The following CNTNAP2 variants were observed in gnomAD, a reference collection of about 807,000 sequenced individuals.
CNTNAP2 encodes contactin associated protein 2, also known as contactin-associated protein-like 2.
A neutral mutation model predicts 155.2 loss-of-function variants in CNTNAP2; 98 were observed. That is an observed-to-expected ratio of 0.63 (90% CI 0.54 to 0.75). The LOEUF (loss-of-function observed/expected upper bound fraction) is 0.75, where lower values mean the gene tolerates loss of function less well. Ranked by LOEUF, CNTNAP2 falls within the 30% of genes least tolerant of loss-of-function variation. CNTNAP2 has a pLI of 0.00. For missense variants in CNTNAP2, 1,727 were observed against 1,688.1 expected (o/e 1.02, Z -0.40); for synonymous variants, 651 against 631.2 (o/e 1.03, Z -0.47).
At chr7:147,331,309 C>A (rs997780813) in intron 9 of CNTNAP2, among the ~76,000 whole-genome samples, 4 of 152,028 alleles carry the variant, frequency 2.6e-5, no homozygotes, top group Admixed American at 6.5e-5. Flanking sequence ...ACTAGTAGAA[C>A]GGTTCTATCA....
intron 9 of CNTNAP2, among the ~76,000 whole-genome samples, chr7:147,371,792 T>G (rs1796341738): frequency 6.6e-6 from 1 of 152,164 alleles, no homozygotes; most frequent in South Asian, 2.1e-4. Flanking sequence ...ATACATGTCC[T>G]ATGTGTATGT....
intron 11 of CNTNAP2, among the ~76,000 whole-genome samples, chr7:147,522,324 A>T (rs1298968953): frequency 6.6e-6 from 1 of 152,232 alleles, no homozygotes; most frequent in Non-Finnish European, 1.5e-5. Context: ...TGCTTAAAGG[A>T]ATATCTAGGT....
rs1805346260 is a variant in CNTNAP2 at position 147,292,949 on chromosome 7, G to A, written c.1349-7192G>A. Among the ~76,000 whole-genome samples the A allele has an allele frequency of 2.0e-5, 3 of 152,168 alleles. No homozygotes were observed. In the South Asian group the frequency reaches 6.2e-4, roughly 31 times the overall value. On this transcript the variant is annotated intron_variant, in intron 8 of 23. Transcript: ENST00000361727. The stretch of plus-strand genomic sequence containing the variant: ...CATGCTGGCTAATTTTGTATTTTTA[G>A]TAGAGACGGGGTTTCACCATGTTGG...
intron 15 of CNTNAP2, among the ~76,000 whole-genome samples, chr7:148,012,094 C>T (rs889776608): frequency 4.6e-5 from 7 of 152,068 alleles, no homozygotes; most frequent in African/African-American, 1.7e-4. Context: ...TTGTTTATTT[C>T]TTTGTTTAAG....
intron 13 of CNTNAP2, among the ~76,000 whole-genome samples, chr7:147,884,023 C>T (rs949241760): frequency 2.0e-5 from 3 of 152,126 alleles, no homozygotes; most frequent in Non-Finnish European, 4.4e-5. Context: ...AGCAAAGATG[C>T]TCTTTGGAGG....
chr7:147,986,044 A>G (rs528848117), intron 15 of CNTNAP2, among the ~76,000 whole-genome samples: 1 of 151,892 alleles, frequency 6.6e-6, no homozygotes, highest in Non-Finnish European at 1.5e-5. Flanking sequence ...TAAAGTTTTC[A>G]TTACACTGTG....
chr7:147,749,868 G>A (rs1175173630), intron 13 of CNTNAP2, among the ~76,000 whole-genome samples: 1 of 152,304 alleles, frequency 6.6e-6, no homozygotes, highest in Non-Finnish European at 1.5e-5. Flanking sequence ...TTGAAGAGAT[G>A]TACATCTTAA....
chr7:147,291,059 T>C (rs1227791397), intron 8 of CNTNAP2, among the ~76,000 whole-genome samples: 2 of 152,160 alleles, frequency 1.3e-5, no homozygotes, highest in East Asian at 3.9e-4. Context: ...CCTCAGAAAG[T>C]TCCTCGTGCC....
chr7:146,611,761 A>G (rs1440581103), intron 1 of CNTNAP2, among the ~76,000 whole-genome samples: 1 of 152,210 alleles, frequency 6.6e-6, no homozygotes, highest in African/African-American at 2.4e-5. Context: ...AACTTTAGGC[A>G]AGCTTTATAG....
At chr7:146,233,499 T>A (rs1393813804) in intron 1 of CNTNAP2, among the ~76,000 whole-genome samples, 1 of 152,014 alleles carries the variant, frequency 6.6e-6, no homozygotes, top group East Asian at 1.9e-4. Flanking sequence ...AGTTTTAGGG[T>A]ACATGTGCAC....
intron 1 of CNTNAP2, among the ~76,000 whole-genome samples, chr7:146,728,829 AC>A (rs1410201128): frequency 6.6e-6 from 1 of 152,132 alleles, no homozygotes; most frequent in Non-Finnish European, 1.5e-5. Context: ...TCAGGTCAGA[AC>A]CAGGCAGGGT....
At chr7:148,100,212 C>T in intron 15 of CNTNAP2, among the ~76,000 whole-genome samples, 1 of 152,188 alleles carries the variant, frequency 6.6e-6, no homozygotes, top group East Asian at 1.9e-4. Context: ...TCTTGTCTTT[C>T]CTTCTCCTTC....
intron 1 of CNTNAP2, among the ~76,000 whole-genome samples, chr7:146,366,959 C>A (rs1795164186): frequency 6.6e-6 from 1 of 152,094 alleles, no homozygotes; most frequent in South Asian, 2.1e-4. Flanking sequence ...CATAAGTTTT[C>A]TCAATCATAT....
intron 13 of CNTNAP2, among the ~76,000 whole-genome samples, chr7:147,742,815 T>C (rs1163097159): frequency 6.6e-6 from 1 of 152,178 alleles, no homozygotes; most frequent in Admixed American, 6.5e-5. Context: ...TTTTCAAAGA[T>C]AGAGCAAGAG....
At chr7:146,694,311 C>T (rs548542961) in intron 1 of CNTNAP2, among the ~76,000 whole-genome samples, 1 of 152,308 alleles carries the variant, frequency 6.6e-6, no homozygotes, top group South Asian at 2.1e-4. Flanking sequence ...TATAGATTTA[C>T]ACTTTTCCAC....
At position 147,062,001 on chromosome 7, in the gene CNTNAP2, G is replaced by A. The variant is rs1387892987; in HGVS notation, c.550+17947G>A. On this transcript the variant is annotated intron_variant, in intron 4 of 23. Transcript: ENST00000361727. ...AATTTAGCCAGGCGTGGTGGCGGGC[G>A]CCTGTAGTCCCAGCTACTCAGGAGG... is the stretch of plus-strand genomic sequence containing the variant. 4.0e-5 allele frequency among the ~76,000 whole-genome samples: 6 copies of A among 151,314 alleles called. No homozygotes were observed. The East Asian group carries it at 5.9e-4, about 15-fold the overall frequency.
At chr7:147,274,195 CGAAT>C (rs1405196481) in intron 8 of CNTNAP2, among the ~76,000 whole-genome samples, 1 of 151,874 alleles carries the variant, frequency 6.6e-6, no homozygotes, top group African/African-American at 2.4e-5. Flanking sequence ...ATGGCTGGAT[CGAAT>C]GGTAGTTTTA....
chr7:146,492,232 A>G (rs2129131421), intron 1 of CNTNAP2, among the ~76,000 whole-genome samples: 1 of 149,150 alleles, frequency 6.7e-6, no homozygotes, highest in African/African-American at 2.5e-5. Flanking sequence ...GCAGGAGGAG[A>G]GAGAGGGGGA....
chr7:148,208,241 C>T (rs1281230550), intron 18 of CNTNAP2, among the ~76,000 whole-genome samples: 2 of 152,146 alleles, frequency 1.3e-5, no homozygotes, highest in Non-Finnish European at 2.9e-5. Flanking sequence ...AGGCTTTCTG[C>T]CTTTGAGTGA....
Sources: gnomAD v4.1 joint callset for allele counts (sites outside exome capture counted in the v4.1 genomes callset) on GRCh38, gnomAD v4.1.1 for gene constraint, MANE v1.5 for transcripts, NCBI Gene and HGNC (gene_info 2026-07-23, HGNC 2026-07-21) for gene names.